ADAM9: variants seen among roughly 807,000 people sequenced by gnomAD.
ADAM9 encodes ADAM metallopeptidase domain 9, also known as disintegrin and metalloproteinase domain-containing protein 9.
ADAM9 carries 54 observed loss-of-function variants against 108.1 expected under a neutral mutation model. The ratio of observed to expected loss-of-function variants is 0.50; its 90% CI spans 0.40 to 0.63. ADAM9 has a LOEUF of 0.63. ADAM9 is among the 20% of genes least tolerant of loss of function. ADAM9 has a pLI of 0.00. For synonymous variants in ADAM9, 316 were observed against 336.0 expected, an observed-to-expected ratio of 0.94 and a Z score of 0.65; for missense variants, 830 against 997.7, an observed-to-expected ratio of 0.83 and a Z score of 2.26.
chr8:39,069,955 C>A (rs1473247765), intron 14 of ADAM9, among the ~76,000 whole-genome samples: 1 of 142,266 alleles, frequency 7.0e-6, no homozygotes, highest in Non-Finnish European at 1.5e-5. Context: ...TCAGCCTGGG[C>A]TGCATAGCAA....
intron 2 of ADAM9, among the ~76,000 whole-genome samples, chr8:39,008,792 C>T (rs1836250247): frequency 1.3e-5 from 2 of 152,202 alleles, no homozygotes; most frequent in African/African-American, 4.8e-5. Flanking sequence ...AAGAAACCTA[C>T]TGTGCTGTAA....
At chr8:39,045,832 A>G (rs1837751925) in intron 12 of ADAM9, among the ~76,000 whole-genome samples, 1 of 151,990 alleles carries the variant, frequency 6.6e-6, no homozygotes, top group Non-Finnish European at 1.5e-5. Context: ...ATTCTCACCA[A>G]CAATGTATAA....
At chr8:39,033,309 A>C (rs535445941) in intron 11 of ADAM9, among the ~76,000 whole-genome samples, 1 of 152,232 alleles carries the variant, frequency 6.6e-6, no homozygotes, top group South Asian at 2.1e-4. Context: ...TAGTTCCAGG[A>C]GTCTTTTTCA....
rs150861658 is a variant in ADAM9 at position 39,077,218 on chromosome 8, C to G, written c.1698-10C>G. On this transcript the variant is annotated splice_polypyrimidine_tract_variant and intron_variant, in intron 15 of 21. Transcript: ENST00000487273. ...GCATTTTATGTTGCATTATTTCTCT[C>G]TCTTTATAGGAATGCTTTGTGTGGA... is the stretch of plus-strand genomic sequence containing the variant. 1 of 1,613,712 alleles carries G rather than the reference C, an allele frequency of 6.2e-7. No homozygotes were observed. The highest frequency in any genetic ancestry group is 8.5e-7 in the Non-Finnish European group (1 of 1,179,730).
At chr8:39,022,260 C>G (rs996843949) in intron 8 of ADAM9, among the ~76,000 whole-genome samples, 1 of 152,100 alleles carries the variant, frequency 6.6e-6, no homozygotes, top group African/African-American at 2.4e-5. Flanking sequence ...ATAGCATTCA[C>G]TTGAGTACTT....
chr8:39,066,467 C>G (rs943336130), intron 14 of ADAM9, among the ~76,000 whole-genome samples: 2 of 152,192 alleles, frequency 1.3e-5, no homozygotes, highest in African/African-American at 4.8e-5. Flanking sequence ...GATGGTATCT[C>G]ATTGTGGTTT....
intron 12 of ADAM9, among the ~76,000 whole-genome samples, chr8:39,044,640 T>G (rs1424802159): frequency 6.6e-6 from 1 of 151,832 alleles, no homozygotes; most frequent in Non-Finnish European, 1.5e-5. Context: ...CCCTCTCCTC[T>G]TTTGGAGTTA....
intron 14 of ADAM9, among the ~76,000 whole-genome samples, chr8:39,064,313 A>G (rs1339430675): frequency 1.3e-5 from 2 of 152,250 alleles, no homozygotes; most frequent in African/African-American, 2.4e-5. Context: ...CTTGGAATCA[A>G]TTCAGAAAAC....
Position 39,097,560 on chromosome 8 carries a change from C to T in ADAM9, c.2299-4303C>T, listed in dbSNP as rs143973972. Among the ~76,000 whole-genome samples, 712 of 152,210 alleles carry T rather than the reference C, an allele frequency of 4.7e-3. 1 individual carries two copies. Among genetic ancestry groups the T allele is most frequent in the African/African-American group, 0.016 (684 of 41,508 alleles). ...TGACCTCGTGATCCGCCCGCCCTGG[C>T]CTCCCAAAGTGCTGGGATTACAACT... On this transcript the variant is annotated intron_variant, in intron 20 of 21. Coordinates refer to ENST00000487273, the MANE Select transcript of ADAM9 (RefSeq NM_003816.3).
chr8:39,022,088 G>T (rs1363570781), intron 8 of ADAM9, among the ~76,000 whole-genome samples: 1 of 151,152 alleles, frequency 6.6e-6, no homozygotes. Flanking sequence ...GTGTGTGTGT[G>T]TGTGTGTGTG....
rs186662587 is a variant in ADAM9 at position 39,094,051 on chromosome 8, C to T, written c.2298+2705C>T. On this transcript the variant is annotated intron_variant, in intron 20 of 21. Coordinates refer to ENST00000487273, the MANE Select transcript of ADAM9 (RefSeq NM_003816.3). The stretch of plus-strand genomic sequence containing the variant: ...CCTCCCAAAGTGCTGGGATTACAGG[C>T]GTGAGCCACCATGCCTGGCCCAGTT... 8.9e-4 allele frequency among the ~76,000 whole-genome samples: 136 copies of T among 152,328 alleles called. 1 individual carries two copies. Among genetic ancestry groups the T allele is most frequent in the Admixed American group, 7.5e-3 (114 of 15,302 alleles).
intron 2 of ADAM9, 38 bp from the exon 3 acceptor site, chr8:39,011,620 A>G: frequency 6.4e-7 from 1 of 1,563,370 alleles, no homozygotes; most frequent in South Asian, 1.1e-5. Context: ...GTAATTTTTA[A>G]GATGATGTTT....
At chr8:39,069,405 C>T (rs1377036905) in intron 14 of ADAM9, among the ~76,000 whole-genome samples, 1 of 152,194 alleles carries the variant, frequency 6.6e-6, no homozygotes, top group East Asian at 1.9e-4. Context: ...AACATTTGAA[C>T]ATGTGGAGAA....
intron 6 of ADAM9, among the ~76,000 whole-genome samples, chr8:39,017,950 TA>T (rs1276923113): frequency 1.3e-5 from 2 of 152,234 alleles, no homozygotes; most frequent in Non-Finnish European, 2.9e-5. Context: ...TCTTGAACCC[TA>T]GATTGGAAAA....
intron 15 of ADAM9, among the ~76,000 whole-genome samples, chr8:39,073,845 T>C (rs1284942735): frequency 6.6e-6 from 1 of 152,180 alleles, no homozygotes; most frequent in Admixed American, 6.5e-5. Flanking sequence ...TATGTAATAG[T>C]AGTATACAAA....
At chr8:39,082,505 A>G (rs921203047) in intron 16 of ADAM9, 136 bp from the exon 17 acceptor site, 3 of 638,104 alleles carry the variant, frequency 4.7e-6, no homozygotes, top group Non-Finnish European at 8.1e-6. Context: ...TAAAAATATA[A>G]TATGGGAATT....
chr8:39,039,639 T>G, intron 11 of ADAM9, among the ~76,000 whole-genome samples: 1 of 152,224 alleles, frequency 6.6e-6, no homozygotes, highest in East Asian at 1.9e-4. Flanking sequence ...AGTGAGATCA[T>G]GCAACATTTT....
In ADAM9 at chr8:39,070,806, A is replaced by T. The variant is rs115112162; in HGVS notation, c.1592-492A>T. 3.3e-3 allele frequency among the ~76,000 whole-genome samples: 505 copies of T among 151,938 alleles called. 5 individuals are homozygous for T. The highest frequency in any genetic ancestry group is 0.012 in the African/African-American group (478 of 41,464). On this transcript the variant is annotated intron_variant, in intron 14 of 21. Transcript: ENST00000487273. ...AGCAAGAATAGATTGTTACTTTGTC[A>T]TCTGTCGTCAGTGTTTGTCAATGTA...
In ADAM9 at chr8:39,052,591, A is replaced by AT. The variant is rs778938173; in HGVS notation, c.1303-1885dup. On this transcript the variant is annotated intron_variant, in intron 12 of 21. Coordinates refer to ENST00000487273, the MANE Select transcript of ADAM9 (RefSeq NM_003816.3). ...TATTTTAGTTTTTTTTAAATTTAAA[A>AT]TTTTTATGTTAACTCTTTTAATTGA... is the stretch of plus-strand genomic sequence containing the variant. Among the ~76,000 whole-genome samples the AT allele has an allele frequency of 4.6e-5, 7 of 152,188 alleles. No homozygotes were observed. In the South Asian group the frequency reaches 1.4e-3, roughly 32 times the overall value.
Sources: gnomAD v4.1 joint callset for allele counts (sites outside exome capture counted in the v4.1 genomes callset) on GRCh38, gnomAD v4.1.1 for gene constraint, MANE v1.5 for transcripts, NCBI Gene and HGNC (gene_info 2026-07-23, HGNC 2026-07-21) for gene names.